STRN: variants seen among roughly 807,000 people sequenced by gnomAD.
The protein encoded by STRN is protein phosphatase 2 regulatory subunit B'''alpha.
STRN carries 53 observed loss-of-function variants against 96.3 expected under a neutral mutation model. The ratio of observed to expected loss-of-function variants is 0.55; its 90% CI spans 0.44 to 0.69. The LOEUF is 0.69. Among genes scored for constraint, STRN ranks in the 30% least tolerant of loss-of-function variants. STRN has a pLI of 0.00. For synonymous variants in STRN, 428 were observed against 355.9 expected (o/e 1.20, Z -2.28); for missense variants, 987 against 963.9 (o/e 1.02, Z -0.32).
At chr2:36,915,488 T>C (rs954307187) in intron 3 of STRN, among the ~76,000 whole-genome samples, 1 of 151,726 alleles carries the variant, frequency 6.6e-6, no homozygotes, top group Non-Finnish European at 1.5e-5. Context: ...TTACAAGTAA[T>C]ATTTTATATT....
At chr2:36,953,865 T>A (rs1365684912) in intron 1 of STRN, among the ~76,000 whole-genome samples, 1 of 152,072 alleles carries the variant, frequency 6.6e-6, no homozygotes, top group East Asian at 1.9e-4. Context: ...ATGTAGTGGG[T>A]CAAGACTGTA....
At chr2:36,899,971 C>A (rs566655410) in intron 5 of STRN, among the ~76,000 whole-genome samples, 1 of 152,230 alleles carries the variant, frequency 6.6e-6, no homozygotes, top group South Asian at 2.1e-4. Context: ...TCACTCCAGT[C>A]TCCGCCTCCC....
At chr2:36,853,369 G>A (rs901457053) in intron 15 of STRN, among the ~76,000 whole-genome samples, 1 of 152,184 alleles carries the variant, frequency 6.6e-6, no homozygotes, top group Non-Finnish European at 1.5e-5. Context: ...AATACTTTAA[G>A]TGAAATATCC....
intron 9 of STRN, among the ~76,000 whole-genome samples, chr2:36,879,152 C>A (rs1302624305): frequency 6.6e-6 from 1 of 152,022 alleles, no homozygotes; most frequent in Non-Finnish European, 1.5e-5. Flanking sequence ...CTTACTGCAA[C>A]CTCTGCCTCC....
intron 5 of STRN, among the ~76,000 whole-genome samples, chr2:36,901,220 C>G (rs932274230): frequency 1.3e-5 from 2 of 152,068 alleles, no homozygotes; most frequent in Non-Finnish European, 2.9e-5. Flanking sequence ...AAAGTCTTTA[C>G]TGAAGGTTAT....
At chr2:36,903,787 T>C (rs536959503) in intron 4 of STRN, among the ~76,000 whole-genome samples, 2 of 152,232 alleles carry the variant, frequency 1.3e-5, no homozygotes, top group East Asian at 1.9e-4. Context: ...CCAATATTTA[T>C]AGAAAGGTCT....
chr2:36,913,782 T>C (rs1441238584), intron 3 of STRN, among the ~76,000 whole-genome samples: 1 of 152,216 alleles, frequency 6.6e-6, no homozygotes, highest in Non-Finnish European at 1.5e-5. Context: ...AATAACTAGG[T>C]ATTGTACACT....
intron 6 of STRN, 60 bp downstream of exon 6, chr2:36,899,463 T>C (rs1669627071): frequency 6.9e-7 from 1 of 1,453,930 alleles, no homozygotes; most frequent in South Asian, 1.5e-5. Flanking sequence ...CTTTTATGCA[T>C]TATACAGTAT....
At chr2:36,900,892 C>CTAAATAAA (rs533631408) in intron 5 of STRN, among the ~76,000 whole-genome samples, 13 of 150,526 alleles carry the variant, frequency 8.6e-5, no homozygotes, top group South Asian at 2.1e-4. Context: ...GACTCTGTCT[C>CTAAATAAA]TAAATAAATA....
intron 10 of STRN, among the ~76,000 whole-genome samples, chr2:36,874,433 T>TAAC (rs1360167404): frequency 6.6e-6 from 1 of 151,894 alleles, no homozygotes; most frequent in East Asian, 1.9e-4. Context: ...AACACACATA[T>TAAC]AACTATGTTC....
At position 36,839,158 on chromosome 2, in the gene STRN, T is replaced by C. The variant is rs563207436; in HGVS notation, c.*10298A>G. On this transcript the variant is annotated 3_prime_UTR_variant, in exon 18 of 18. Coordinates refer to ENST00000263918, the MANE Select transcript of STRN (RefSeq NM_003162.4). ...TTCGTTTTGCCATTATGAATCTTTA[T>C]GCATTGTTTTTTGCATTTAAATTCA... Among the ~76,000 whole-genome samples the C allele has an allele frequency of 1.2e-4, 18 of 152,232 alleles. No homozygotes were observed. The highest frequency in any genetic ancestry group is 4.4e-5 in the Non-Finnish European group (3 of 68,036).
In STRN at chr2:36,855,245, G is replaced by C; in HGVS notation, c.1945C>G (p.Arg649Gly). 2 of 1,613,742 alleles carry C rather than the reference G, an allele frequency of 1.2e-6. No homozygotes were observed. Among genetic ancestry groups the C allele is most frequent in the Non-Finnish European group, 1.7e-6 (2 of 1,179,766 alleles). Reference protein sequence around the residue: ...TSIFNMETQQRILTLESNVDT... With the variant: ...TSIFNMETQQGILTLESNVDT... ...ACATTGGATTCTAAAGTGAGAATGCGTTGTTGTGTTTCCATGTTAAAAATG... is the reference window on the plus strand; with the variant it reads ...ACATTGGATTCTAAAGTGAGAATGCCTTGTTGTGTTTCCATGTTAAAAATG... The change falls in exon 15 of 18, where the codon CGC becomes GGC. Residue 649 changes from arginine to glycine, a missense_variant. Coordinates refer to ENST00000263918, the MANE Select transcript of STRN (RefSeq NM_003162.4).
In STRN at chr2:36,913,905, G is replaced by C. The variant is rs1218747467; in HGVS notation, c.412+2173C>G. On this transcript the variant is annotated intron_variant, in intron 3 of 17. Transcript: ENST00000263918. The stretch of plus-strand genomic sequence containing the variant: ...TAGGATCACGGAAATTTAAAATGTT[G>C]GGGCAGAGTCAAACTTACATCTACC... Among the ~76,000 whole-genome samples the C allele has an allele frequency of 2.0e-5, 3 of 152,084 alleles. No individual in the cohort carries two copies. The East Asian group carries it at 5.8e-4, about 29-fold the overall frequency.
In STRN at chr2:36,838,986, A is replaced by T. The variant is rs943554615; in HGVS notation, c.*10470T>A. 6.6e-6 allele frequency among the ~76,000 whole-genome samples: 1 copy of T among 152,228 alleles called. No individual in the cohort carries two copies. Among genetic ancestry groups the T allele is most frequent in the Non-Finnish European group, 1.5e-5 (1 of 68,044 alleles). On this transcript the variant is annotated 3_prime_UTR_variant, in exon 18 of 18. Coordinates refer to ENST00000263918, the MANE Select transcript of STRN (RefSeq NM_003162.4). Reference sequence around the variant, plus strand: ...ACCTTTAAAAATTTGTAAGGTGCTCATGATACACATTATATTAGAAAAAGC... The same window carrying T: ...ACCTTTAAAAATTTGTAAGGTGCTCTTGATACACATTATATTAGAAAAAGC...
At chr2:36,935,889 TTTAA>T (rs1409199170) in intron 1 of STRN, among the ~76,000 whole-genome samples, 1 of 152,226 alleles carries the variant, frequency 6.6e-6, no homozygotes, top group African/African-American at 2.4e-5. Context: ...TGAACATTTT[TTTAA>T]TTCTCAGTTT....
At chr2:36,920,568 G>A (rs1670226176) in intron 2 of STRN, among the ~76,000 whole-genome samples, 1 of 151,482 alleles carries the variant, frequency 6.6e-6, no homozygotes, top group Admixed American at 6.6e-5. Flanking sequence ...AACTCGGGAG[G>A]TGCAGGTTGC....
chr2:36,957,750 T>TTTTG (rs1558669989), intron 1 of STRN, among the ~76,000 whole-genome samples: 1 of 77,668 alleles, frequency 1.3e-5, no homozygotes, highest in East Asian at 4.4e-4. Flanking sequence ...TTGTCTTTTT[T>TTTTG]TTTTTTTTTT....
intron 9 of STRN, among the ~76,000 whole-genome samples, chr2:36,883,436 G>A (rs570681794): frequency 9.9e-5 from 15 of 152,134 alleles, no homozygotes; most frequent in Middle Eastern, 3.4e-3. Context: ...CAGCCTGGGC[G>A]ATAGAGCGAG....
chr2:36,955,620 A>G (rs186093418), intron 1 of STRN, among the ~76,000 whole-genome samples: 7 of 151,992 alleles, frequency 4.6e-5, no homozygotes, highest in Admixed American at 1.3e-4. Context: ...TCTTGCCTCA[A>G]GCGTCCTTTC....
Sources: allele counts gnomAD v4.1 joint callset (sites outside exome capture counted in the v4.1 genomes callset), GRCh38; gene constraint gnomAD v4.1.1; transcripts MANE v1.5; gene names NCBI Gene and HGNC (gene_info 2026-07-23, HGNC 2026-07-21).